The following DHRS9 variants were observed in gnomAD, a reference collection of about 807,000 sequenced individuals.
DHRS9 encodes the protein dehydrogenase/reductase 9, also known as dehydrogenase/reductase SDR family member 9.
DHRS9 carries 18 observed loss-of-function variants against 26.6 expected under a neutral mutation model. The ratio of observed to expected loss-of-function variants is 0.68; its 90% confidence interval spans 0.47 to 1.00. The LOEUF (loss-of-function observed/expected upper bound fraction) is 1.00, where lower values mean the gene tolerates loss of function less well. Ranked by LOEUF, DHRS9 falls within the 50% of genes least tolerant of loss-of-function variation. The probability of loss-of-function intolerance (pLI) is 0.00; values close to 1 mark genes in which losing one functional copy is unlikely to be tolerated. For missense variants in DHRS9, 425 were observed against 378.7 expected, an observed-to-expected ratio of 1.12 and a Z score of -1.01; for synonymous variants, 134 against 141.1, an observed-to-expected ratio of 0.95 and a Z score of 0.36.
chr2:169,089,346 T>C (rs2105300090), intron 3 of DHRS9, among the ~76,000 whole-genome samples: 1 of 152,298 alleles, frequency 6.6e-6, no homozygotes, highest in South Asian at 2.1e-4. Flanking sequence ...ACCTCTTTCC[T>C]GATCCCCCAC....
chr2:169,094,288 T>C (rs1684626490), intron 4 of DHRS9, among the ~76,000 whole-genome samples: 1 of 152,242 alleles, frequency 6.6e-6, no homozygotes, highest in Non-Finnish European at 1.5e-5. Flanking sequence ...ATTTCTTTTC[T>C]TGCTGTTGAG....
Position 169,095,620 on chromosome 2 carries a change from T to C in DHRS9, c.813T>C (p.Ala271=). Residue 271 remains alanine, a synonymous_variant, in exon 5 of 5, where the codon GCT becomes GCC. Transcript: ENST00000674881. ...CGGTGGTAGAGTGCATGGACCACGCTCTAACAAGTCTCTTCCCTAAGACTC... is the reference window on the plus strand; with the variant it reads ...CGGTGGTAGAGTGCATGGACCACGCCCTAACAAGTCTCTTCCCTAAGACTC... The part of the protein sequence containing the change: ...LSPVVECMDH[A]LTSLFPKTHY... 6.2e-7 allele frequency: 1 copy of C among 1,613,994 alleles called. No homozygotes were observed. Among genetic ancestry groups the C allele is most frequent in the Non-Finnish European group, 8.5e-7 (1 of 1,179,920 alleles).
intron 3 of DHRS9, among the ~76,000 whole-genome samples, chr2:169,086,177 T>A (rs558744688): frequency 1.3e-5 from 2 of 152,318 alleles, no homozygotes; most frequent in Non-Finnish European, 2.9e-5. Flanking sequence ...TTCTTTTTTT[T>A]TTCTTTTGTC....
intron 1 of DHRS9, among the ~76,000 whole-genome samples, chr2:169,072,273 G>T (rs1574018568): frequency 6.6e-6 from 1 of 152,036 alleles, no homozygotes; most frequent in African/African-American, 2.4e-5. Context: ...TTCAACTTGG[G>T]CCACAATTGC....
At chr2:169,071,073 A>AAAC (rs3083976) in intron 1 of DHRS9, among the ~76,000 whole-genome samples, 5 of 151,626 alleles carry the variant, frequency 3.3e-5, no homozygotes, top group Non-Finnish European at 7.4e-5. Flanking sequence ...CAAAAAAAAA[A>AAAC]AACAACAACA....
At chr2:169,085,578 A>G (rs975329767) in intron 3 of DHRS9, among the ~76,000 whole-genome samples, 1 of 151,852 alleles carries the variant, frequency 6.6e-6, no homozygotes, top group Non-Finnish European at 1.5e-5. Flanking sequence ...ATTTTATTTT[A>G]TTTTTAACTT....
intron 1 of DHRS9, among the ~76,000 whole-genome samples, chr2:169,077,376 C>A (rs1277029846): frequency 1.3e-5 from 2 of 152,008 alleles, no homozygotes; most frequent in Admixed American, 1.3e-4. Flanking sequence ...GAAATACATC[C>A]AAATATTTAT....
chr2:169,094,473 T>G (rs182541472), intron 4 of DHRS9, among the ~76,000 whole-genome samples: 44 of 152,210 alleles, frequency 2.9e-4, no homozygotes, highest in Admixed American at 1.8e-3. Context: ...TTTGTGTTTT[T>G]GGGGTCATAT....
intron 1 of DHRS9, among the ~76,000 whole-genome samples, chr2:169,071,306 G>C (rs1298244650): frequency 6.6e-6 from 1 of 152,136 alleles, no homozygotes; most frequent in Non-Finnish European, 1.5e-5. Context: ...ACAATAATTT[G>C]TAACCTGCTA....
chr2:169,087,065 G>A (rs1224226037), intron 3 of DHRS9, among the ~76,000 whole-genome samples: 6 of 152,156 alleles, frequency 3.9e-5, no homozygotes, highest in Admixed American at 1.3e-4. Flanking sequence ...CCTTCGGGGT[G>A]GCAAGTTCTC....
At position 169,083,704 on chromosome 2, in the gene DHRS9, T is replaced by C; in HGVS notation, c.572+117T>C. ...AAAGTCTACCATATTTATCTCTAAT[T>C]TTTGTGGGTACATAGTAGGTATATA... On this transcript the variant is annotated intron_variant, in intron 3 of 4. Coordinates refer to ENST00000674881, the MANE Select transcript of DHRS9 (RefSeq NM_001376924.1). The C allele has an allele frequency of 2.4e-6, 3 of 1,249,942 alleles. No individual in the cohort carries two copies. In the South Asian group the frequency reaches 4.6e-5, roughly 19 times the overall value. The allele number at this position is 1,249,942 out of a possible 1,614,324, so 77.4% of individuals were successfully genotyped here. A position where few individuals can be genotyped will look rare whatever the true frequency, so the allele number is the denominator to read the frequency against.
chr2:169,067,306 A>G (rs1683673022), upstream of DHRS9: 1 of 1,532,858 alleles, frequency 6.5e-7, no homozygotes, highest in Non-Finnish European at 8.7e-7. Context: ...TCTTAGAATG[A>G]TCTGTGACTT....
At position 169,095,911 on chromosome 2, in the gene DHRS9, A is replaced by G; in HGVS notation, c.*144A>G. 1 of 744,274 alleles carries G rather than the reference A, an allele frequency of 1.3e-6. No individual in the cohort carries two copies. Among genetic ancestry groups the G allele is most frequent in the Non-Finnish European group, 2.2e-6 (1 of 451,998 alleles). The allele number at this position is 744,274 out of a possible 1,614,324, so 46.1% of individuals were successfully genotyped here. A position where few individuals can be genotyped will look rare whatever the true frequency, so the allele number is the denominator to read the frequency against. ...TTGGATTGCAAAAGGGAGTCCCACCATCGCTGGTGGTATCCCAGGGTCCCT... is the reference window on the plus strand; with the variant it reads ...TTGGATTGCAAAAGGGAGTCCCACCGTCGCTGGTGGTATCCCAGGGTCCCT... On this transcript the variant is annotated 3_prime_UTR_variant, in exon 5 of 5. Transcript: ENST00000674881.
At chr2:169,092,942 G>C (rs772617146) in intron 4 of DHRS9, among the ~76,000 whole-genome samples, 12 of 152,158 alleles carry the variant, frequency 7.9e-5, no homozygotes, top group Non-Finnish European at 1.6e-4. Flanking sequence ...CCAGTAAGTG[G>C]AAGAGCTAGA....
chr2:169,078,803 T>G (rs1316066343), intron 1 of DHRS9, among the ~76,000 whole-genome samples: 1 of 149,192 alleles, frequency 6.7e-6, no homozygotes, highest in Non-Finnish European at 1.5e-5. Flanking sequence ...TGACTTAATT[T>G]TTATCAACTG....
At chr2:169,086,763 C>T (rs747170716) in intron 3 of DHRS9, among the ~76,000 whole-genome samples, 12 of 152,130 alleles carry the variant, frequency 7.9e-5, no homozygotes, top group Non-Finnish European at 1.5e-5. Flanking sequence ...ATAGAGGTAC[C>T]ACCTTGATGG....
intron 4 of DHRS9, among the ~76,000 whole-genome samples, chr2:169,092,592 G>C (rs1684564386): frequency 6.6e-6 from 1 of 152,222 alleles, no homozygotes; most frequent in South Asian, 2.1e-4. Flanking sequence ...ACCAGGAAAA[G>C]AGCATGGCTG....
Position 169,095,534 on chromosome 2 carries a change from C to G in DHRS9, c.737-10C>G. 6.2e-7 allele frequency: 1 copy of G among 1,610,380 alleles called. No homozygotes were observed. Among genetic ancestry groups the G allele is most frequent in the East Asian group, 2.2e-5 (1 of 44,862 alleles). On this transcript the variant is annotated splice_polypyrimidine_tract_variant and intron_variant, in intron 4 of 4. Coordinates refer to ENST00000674881, the MANE Select transcript of DHRS9 (RefSeq NM_001376924.1). ...TACCAAAGAGTAAATGTACTTTTGTCTCTTTTTAGGTCTAGACAAACTGAA... is the reference window on the plus strand; with the variant it reads ...TACCAAAGAGTAAATGTACTTTTGTGTCTTTTTAGGTCTAGACAAACTGAA...
chr2:169,083,636 A>C (rs762962961), intron 3 of DHRS9, 49 bp downstream of exon 3: 2 of 1,594,080 alleles, frequency 1.3e-6, no homozygotes, highest in Non-Finnish European at 1.7e-6. Flanking sequence ...GCAAACGTTT[A>C]CTGAATGCTT....
Sources: allele counts gnomAD v4.1 joint callset (sites outside exome capture counted in the v4.1 genomes callset), GRCh38; gene constraint gnomAD v4.1.1; transcripts MANE v1.5; gene names NCBI Gene and HGNC (gene_info 2026-07-23, HGNC 2026-07-21).